Variants in CENPE observed in about 807,000 individuals in gnomAD.
CENPE encodes the protein centromere protein E.
Under a neutral mutation model 336.1 loss-of-function variants are expected in CENPE, and 145 were observed. The ratio of observed to expected loss-of-function variants is 0.43; its 90% CI spans 0.38 to 0.50. The LOEUF (loss-of-function observed/expected upper bound fraction) is 0.50, where lower values mean the gene tolerates loss of function less well. Among genes scored for constraint, CENPE ranks in the 20% least tolerant of loss-of-function variants. CENPE has a pLI of 0.00. For synonymous variants in CENPE, 1,013 were observed against 984.8 expected (o/e 1.03, Z -0.54); for missense variants, 2,719 against 3,023.3 (o/e 0.90, Z 2.36).
intron 26 of CENPE, among the ~76,000 whole-genome samples, chr4:103,149,884 T>C (rs567427031): frequency 6.6e-6 from 1 of 152,268 alleles, no homozygotes; most frequent in South Asian, 2.1e-4. Flanking sequence ...TTTGGACTTC[T>C]AGGACTCAGA....
chr4:103,130,580 A>C (rs1472746681), intron 42 of CENPE, among the ~76,000 whole-genome samples: 1 of 152,212 alleles, frequency 6.6e-6, no homozygotes, highest in Non-Finnish European at 1.5e-5. Context: ...TCAAGATGTC[A>C]GTTCTTTCCA....
chr4:103,106,475 C>G (rs994649680), intron 48 of CENPE, among the ~76,000 whole-genome samples, 159 bp from the exon 49 acceptor site: 1 of 152,122 alleles, frequency 6.6e-6, no homozygotes, highest in Non-Finnish European at 1.5e-5. Context: ...TGTATTTCAC[C>G]TCAGAGTTGG....
Position 103,174,722 on chromosome 4 carries a change from T to G in CENPE, c.1647+14A>C. ...TATGCTTTTAGTTTAGTTTTACATT[T>G]CTGTCTCTCTTACCTCTTGATCTTT... is the stretch of plus-strand genomic sequence containing the variant. On this transcript the variant is annotated intron_variant, in intron 16 of 48. Transcript: ENST00000265148. The G allele has an allele frequency of 6.8e-7, 1 of 1,473,398 alleles. No individual in the cohort carries two copies. Among genetic ancestry groups the G allele is most frequent in the Non-Finnish European group, 9.0e-7 (1 of 1,106,226 alleles). The allele number at this position is 1,473,398 out of a possible 1,614,324, so 91.3% of individuals were successfully genotyped here.
chr4:103,122,268 G>C (rs759143462), intron 43 of CENPE, among the ~76,000 whole-genome samples: 1 of 152,028 alleles, frequency 6.6e-6, no homozygotes, highest in African/African-American at 2.4e-5. Context: ...ATTTACTATT[G>C]GGTTCCCTAC....
chr4:103,198,174 G>A (rs1757884112), intron 1 of CENPE, 90 bp downstream of exon 1: 1 of 1,281,942 alleles, frequency 7.8e-7, no homozygotes, highest in Non-Finnish European at 1.1e-6. Context: ...GGGAAGCAGC[G>A]GCTCCTGGAA....
At chr4:103,176,111 T>A in intron 14 of CENPE, 63 bp from the exon 15 acceptor site, 1 of 914,362 alleles carries the variant, frequency 1.1e-6, no homozygotes, top group Non-Finnish European at 1.7e-6. Context: ...TAAGTCAAAT[T>A]AAAGATTACT....
rs1200178825 is a variant in CENPE, at chr4:103,122,919, G to T, written c.7095C>A (p.Asp2365Glu). The stretch of plus-strand genomic sequence containing the variant: ...TTGATGTAACATGAGGATTCTTATT[G>T]TCTTGTGTGGTAGGATTAACCTGGG... ...SGAQVNPTTQ[D>E]NKNPHVTSRA... The change falls in exon 43 of 49, where the codon GAC (aspartate) becomes GAA (glutamate). Residue 2365 changes from aspartate to glutamate, a missense_variant. Coordinates refer to ENST00000265148, the MANE Select transcript of CENPE (RefSeq NM_001813.3). 10 of 1,613,692 alleles carry T rather than the reference G, an allele frequency of 6.2e-6. No individual in the cohort carries two copies. Among genetic ancestry groups the T allele is most frequent in the Non-Finnish European group, 8.5e-6 (10 of 1,179,730 alleles).
At chr4:103,170,924 CTG>C (rs947648898) in intron 16 of CENPE, among the ~76,000 whole-genome samples, 13 of 152,184 alleles carry the variant, frequency 8.5e-5, no homozygotes, top group Admixed American at 8.5e-4. Flanking sequence ...ACATCAAAAA[CTG>C]TGAAAAGAGA....
intron 8 of CENPE, among the ~76,000 whole-genome samples, chr4:103,190,431 G>A (rs962558184): frequency 4.6e-5 from 7 of 152,282 alleles, no homozygotes; most frequent in Admixed American, 6.5e-5. Flanking sequence ...CATGGTACTA[G>A]TACCAAAACA....
At position 103,140,886 on chromosome 4, in the gene CENPE, T is replaced by C. The variant is rs754193846; in HGVS notation, c.5682A>G (p.Leu1894=). The change falls in exon 36 of 49, where the codon CTA becomes CTG. Residue 1894 remains leucine (L), a synonymous_variant. Transcript: ENST00000265148. ...MKSVMKERDN[L]RRVEETLKLE... ...GTTTGAGTGTCTCCTCTACTCTTCTTAGATTATCTCTTTCTTTCATTACAG... is the reference window on the plus strand; with the variant it reads ...GTTTGAGTGTCTCCTCTACTCTTCTCAGATTATCTCTTTCTTTCATTACAG... The C allele has an allele frequency of 5.6e-6, 9 of 1,612,408 alleles. No homozygotes were observed. Among genetic ancestry groups the C allele is most frequent in the Non-Finnish European group, 7.6e-6 (9 of 1,179,216 alleles).
At chr4:103,175,768 C>T (rs1755800707) in intron 15 of CENPE, among the ~76,000 whole-genome samples, 192 bp downstream of exon 15, 1 of 152,074 alleles carries the variant, frequency 6.6e-6, no homozygotes, top group South Asian at 2.1e-4. Context: ...CCTACTAGCA[C>T]ATGTCTGCCT....
At chr4:103,147,735 C>G in intron 28 of CENPE, 89 bp from the exon 29 acceptor site, 1 of 1,219,528 alleles carries the variant, frequency 8.2e-7, no homozygotes, top group Non-Finnish European at 1.1e-6. Flanking sequence ...ACTCTGTTGC[C>G]CAGGTGGGAG....
intron 16 of CENPE, among the ~76,000 whole-genome samples, chr4:103,164,950 C>G (rs1017587383): frequency 3.9e-5 from 6 of 151,990 alleles, no homozygotes; most frequent in Non-Finnish European, 1.5e-5. Context: ...TAGAAGAGAT[C>G]GGGTGCATTC....
chr4:103,159,019 C>T lies in CENPE; in HGVS notation c.2592G>A (p.Leu864=), dbSNP rs1217834010. The T allele has an allele frequency of 6.5e-7, 1 of 1,532,300 alleles. No homozygotes were observed. Among genetic ancestry groups the T allele is most frequent in the African/African-American group, 1.4e-5 (1 of 71,856 alleles). The allele number at this position is 1,532,300 out of a possible 1,614,324, so 94.9% of individuals were successfully genotyped here. A position where few individuals can be genotyped will look rare whatever the true frequency, so the allele number is the denominator to read the frequency against. ...AQKFDSSLGA[L]KTELSYKTQE... ...AGCATCTTGTACCAACCTCGGTCTTCAAAGCACCCAAACTCGAATCAAATT... is the reference window on the plus strand; with the variant it reads ...AGCATCTTGTACCAACCTCGGTCTTTAAAGCACCCAAACTCGAATCAAATT... The change falls in exon 22 of 49, where the codon TTG becomes TTA. Residue 864 remains leucine, a synonymous_variant. Transcript: ENST00000265148.
At position 103,120,334 on chromosome 4, in the gene CENPE, C is replaced by G; in HGVS notation, c.7144-1G>C. On this transcript the variant is annotated splice_acceptor_variant, in intron 43 of 48. Coordinates refer to ENST00000265148, the MANE Select transcript of CENPE (RefSeq NM_001813.3). LOFTEE classifies it high-confidence loss of function. ...GTGAATTTTCCAGCTCTCGAATTTTCTATTAGAAAAAGCACACATTCATAA... is the reference window on the plus strand; with the variant it reads ...GTGAATTTTCCAGCTCTCGAATTTTGTATTAGAAAAAGCACACATTCATAA... The G allele has an allele frequency of 6.2e-7, 1 of 1,603,722 alleles. No homozygotes were observed. Among genetic ancestry groups the G allele is most frequent in the Non-Finnish European group, 8.5e-7 (1 of 1,177,240 alleles).
In CENPE at chr4:103,108,825, G is replaced by A; in HGVS notation, c.7989C>T (p.Asn2663=). ...TACCTGGACAAAGGCCTAAACTTGA[G>A]TTATCAAAATAGCGAACTGGATGAG... ...PSPHPVRYFD[N]SSLGLCPEVQ... is the part of the protein sequence containing the mutation. The change falls in exon 48 of 49, where the codon AAC becomes AAT. Residue 2663 remains asparagine, a synonymous_variant. Transcript: ENST00000265148. 6.2e-7 allele frequency: 1 copy of A among 1,613,630 alleles called. No individual in the cohort carries two copies. The highest frequency in any genetic ancestry group is 8.5e-7 in the Non-Finnish European group (1 of 1,179,722).
intron 42 of CENPE, among the ~76,000 whole-genome samples, chr4:103,129,352 C>T (rs578088674): frequency 3.9e-5 from 6 of 152,194 alleles, no homozygotes; most frequent in South Asian, 2.1e-4. Flanking sequence ...AAGATAGAAA[C>T]GGAAACTCAT....
At chr4:103,189,557 T>C (rs1390083189) in intron 8 of CENPE, among the ~76,000 whole-genome samples, 15 of 152,184 alleles carry the variant, frequency 9.9e-5, no homozygotes, top group Admixed American at 9.8e-4. Context: ...ATTATCTCAA[T>C]AGATGCAGAA....
chr4:103,113,156 ATATATACTTATAAGTATATAAGTG>A (rs1749707604), intron 46 of CENPE, among the ~76,000 whole-genome samples: 2 of 134,508 alleles, frequency 1.5e-5, no homozygotes, highest in Non-Finnish European at 3.1e-5. Flanking sequence ...ATATAAGTGT[ATATATACTTATAAGTATATAAGTG>A]TATATATACT....
Sources: allele counts gnomAD v4.1 joint callset (sites outside exome capture counted in the v4.1 genomes callset), GRCh38; gene constraint gnomAD v4.1.1; transcripts MANE v1.5; gene names NCBI Gene and HGNC (gene_info 2026-07-23, HGNC 2026-07-21).